TACC1: variants seen among roughly 807,000 people sequenced by gnomAD.
TACC1 encodes the protein transforming acidic coiled-coil-containing protein 1.
In TACC1, 48 loss-of-function variants were observed where a neutral mutation model predicts 84.4. The ratio of observed to expected loss-of-function variants is 0.57; its 90% CI spans 0.45 to 0.72. TACC1 has a LOEUF of 0.72. Ranked by LOEUF, TACC1 falls within the 30% of genes least tolerant of loss-of-function variation. The pLI is 0.00. For missense variants in TACC1, 920 were observed against 973.0 expected (o/e 0.95, Z 0.72); for synonymous variants, 372 against 376.3 (o/e 0.99, Z 0.13).
chr8:38,828,684 G>GT (rs1343676574), intron 5 of TACC1, among the ~76,000 whole-genome samples: 2 of 152,160 alleles, frequency 1.3e-5, no homozygotes, highest in African/African-American at 2.4e-5. Context: ...GGTCTGAGGG[G>GT]TTGCTTTATG....
At chr8:38,775,136 C>T (rs1814569266) in intron 3 of TACC1, among the ~76,000 whole-genome samples, 2 of 152,042 alleles carry the variant, frequency 1.3e-5, no homozygotes, top group South Asian at 4.1e-4. Context: ...GGGGAGAAGT[C>T]ATATCTCTAT....
At chr8:38,753,952 T>A (rs1809535480) in intron 3 of TACC1, among the ~76,000 whole-genome samples, 1 of 140,832 alleles carries the variant, frequency 7.1e-6, no homozygotes, top group African/African-American at 2.5e-5. Flanking sequence ...CTCTCTTTCA[T>A]TTTTTGGGTT....
intron 3 of TACC1, among the ~76,000 whole-genome samples, chr8:38,774,084 A>G (rs1255992661): frequency 1.3e-5 from 2 of 152,022 alleles, no homozygotes; most frequent in African/African-American, 4.8e-5. Flanking sequence ...CTTACTCAAA[A>G]CTGGAGGCTG....
chr8:38,786,520 A>T (rs962483611), upstream of TACC1, among the ~76,000 whole-genome samples: 3 of 152,172 alleles, frequency 2.0e-5, no homozygotes, highest in African/African-American at 7.2e-5. Flanking sequence ...TGGGCAACAT[A>T]TCGAGACGCC....
chr8:38,757,240 C>A, intron 3 of TACC1: 1 of 645,444 alleles, frequency 1.5e-6, no homozygotes, highest in Non-Finnish European at 2.0e-6. Context: ...CCCCACCCTT[C>A]CTCCCGCCCC....
intron 6 of TACC1, among the ~76,000 whole-genome samples, chr8:38,834,256 G>A (rs1029565722): frequency 6.6e-5 from 10 of 152,300 alleles, no homozygotes; most frequent in African/African-American, 9.6e-5. Flanking sequence ...GGCAAGTCTC[G>A]GGTCCCCACT....
chr8:38,768,448 C>T (rs534885130), intron 3 of TACC1, among the ~76,000 whole-genome samples: 3 of 152,154 alleles, frequency 2.0e-5, no homozygotes, highest in Non-Finnish European at 4.4e-5. Flanking sequence ...TGTTGATGGA[C>T]GGTGTGATGG....
chr8:38,788,948 A>T, intron 2 of TACC1, 129 bp downstream of exon 2: 1 of 696,334 alleles, frequency 1.4e-6, no homozygotes, highest in Non-Finnish European at 2.4e-6. Context: ...GCTGTTTGAA[A>T]CCTCCTGGCT....
chr8:38,845,405 T>C (rs568114831), intron 11 of TACC1, among the ~76,000 whole-genome samples: 2 of 152,352 alleles, frequency 1.3e-5, no homozygotes, highest in African/African-American at 2.4e-5. Context: ...CGTAGGTTTA[T>C]TGTATATCCC....
rs947769907 is a variant in TACC1, at chr8:38,787,667, G to A, written c.85G>A (p.Glu29Lys). 1.3e-6 allele frequency: 2 copies of A among 1,551,286 alleles called. No individual in the cohort carries two copies. The highest frequency in any genetic ancestry group is 4.1e-5 in the Admixed American group (2 of 48,868). ...TGCGGTACGCGGCGGGGCCGCCGGC[G>A]AGGACGAGGCTGGCGGGCCCGAGGG... ...WSAVRGGAAGEDEAGGPEGDP... is the reference protein window; with the variant it reads ...WSAVRGGAAGKDEAGGPEGDP... Residue 29 changes from glutamate to lysine, a missense_variant, in exon 1 of 13, where the codon GAG becomes AAG. Glu to Lys is a moderately conservative substitution (Grantham distance 56, BLOSUM62 1). Transcript: ENST00000317827.
At position 38,787,754 on chromosome 8, in the gene TACC1, G is replaced by C. The variant is rs377544548; in HGVS notation, c.161+11G>C. The C allele has an allele frequency of 2.0e-6, 3 of 1,517,618 alleles. No homozygotes were observed. The highest frequency in any genetic ancestry group is 2.8e-5 in the African/African-American group (2 of 70,562). The allele number at this position is 1,517,618 out of a possible 1,614,324, so 94.0% of individuals were successfully genotyped here. ...ATCCTTGAGTTTCAGGCAAGTACAC[G>C]GCGTCCCCGCTGAGATGCAGACGCG... On this transcript the variant is annotated intron_variant, in intron 1 of 12. Coordinates refer to ENST00000317827, the MANE Select transcript of TACC1 (RefSeq NM_006283.3).
intron 3 of TACC1, among the ~76,000 whole-genome samples, chr8:38,771,853 A>G (rs1813682328): frequency 6.6e-6 from 1 of 152,138 alleles, no homozygotes; most frequent in African/African-American, 2.4e-5. Context: ...CTCCCAACTC[A>G]GCCTCCCTCC....
At position 38,849,371 on chromosome 8, in the gene TACC1, A is replaced by G. The variant is rs1339440345; in HGVS notation, c.*1348A>G. The G allele has an allele frequency of 1.3e-5, 2 of 152,234 alleles. No individual in the cohort carries two copies. The highest frequency in any genetic ancestry group is 2.9e-5 in the Non-Finnish European group (2 of 68,030). 9.4% of individuals were successfully genotyped at this position (152,234 alleles called of 1,614,324 possible). Reference sequence around the variant, plus strand: ...TAACCCCAACATGGAATTTTTCCATATAAATCTCAATGAATTCCCTTTCAT... The same window carrying G: ...TAACCCCAACATGGAATTTTTCCATGTAAATCTCAATGAATTCCCTTTCAT... On this transcript the variant is annotated 3_prime_UTR_variant, in exon 13 of 13. Transcript: ENST00000317827.
chr8:38,830,871 C>T (rs752865400), intron 5 of TACC1, among the ~76,000 whole-genome samples: 8 of 152,188 alleles, frequency 5.3e-5, no homozygotes, highest in Non-Finnish European at 1.2e-4. Flanking sequence ...CACAAGGGGG[C>T]AGCCTTGCTG....
intron 1 of TACC1, among the ~76,000 whole-genome samples, chr8:38,739,027 A>C (rs1335279976): frequency 6.6e-6 from 1 of 152,136 alleles, no homozygotes; most frequent in East Asian, 1.9e-4. Context: ...AGTAGCTGGG[A>C]TTACAGGCAC....
At chr8:38,741,884 A>T (rs1807141748) in intron 1 of TACC1, among the ~76,000 whole-genome samples, 1 of 152,226 alleles carries the variant, frequency 6.6e-6, no homozygotes, top group South Asian at 2.1e-4. Context: ...CATAAAAAAT[A>T]GCCTGTTTAA....
rs573342729 is a variant in TACC1, at chr8:38,764,659, A to G, written c.26+19166A>G. Among the ~76,000 whole-genome samples the G allele has an allele frequency of 2.2e-4, 34 of 152,252 alleles. 1 individual carries two copies. The South Asian group carries it at 6.8e-3, about 31-fold the overall frequency. ...AGCTAGCATTTATTGAGCACTTACCACGTGCTAGGAAAATGCTAAGGTCTT... is the reference window on the plus strand; with the variant it reads ...AGCTAGCATTTATTGAGCACTTACCGCGTGCTAGGAAAATGCTAAGGTCTT... On this transcript the variant is annotated intron_variant, in intron 3 of 14. Transcript: ENST00000518415.
intron 3 of TACC1, chr8:38,745,535 GTTTGTTTGTT>G: frequency 1.5e-6 from 1 of 680,280 alleles, no homozygotes; most frequent in Non-Finnish European, 2.6e-6. Flanking sequence ...TTTTCTGTTT[GTTTGTTTGTT>G]TTTGTTTTTG....
intron 2 of TACC1, among the ~76,000 whole-genome samples, chr8:38,798,784 T>C (rs1353028324): frequency 6.6e-6 from 1 of 152,158 alleles, no homozygotes; most frequent in East Asian, 1.9e-4. Flanking sequence ...CCAGCAGTTG[T>C]TGGGGAAATG....
Sources: gnomAD v4.1 joint callset for allele counts (sites outside exome capture counted in the v4.1 genomes callset) on GRCh38, gnomAD v4.1.1 for gene constraint, MANE v1.5 for transcripts, NCBI Gene and HGNC (gene_info 2026-07-23, HGNC 2026-07-21) for gene names.